Variants in LMOD3 observed in about 807,000 individuals in gnomAD.
The protein encoded by LMOD3 is leiomodin-3.
A neutral mutation model predicts 41.8 loss-of-function variants in LMOD3; 31 were observed. That is an observed-to-expected ratio of 0.74 (90% CI 0.56 to 1.00). LMOD3 has a LOEUF of 1.00. LMOD3 is among the 50% of genes least tolerant of loss of function. The pLI is 0.00. For missense variants in LMOD3, 755 were observed against 679.5 expected (o/e 1.11, Z -1.23); for synonymous variants, 292 against 241.9 (o/e 1.21, Z -1.92).
chr3:69,110,252 C>G (rs2092342155), intron 2 of LMOD3, among the ~76,000 whole-genome samples: 1 of 151,548 alleles, frequency 6.6e-6, no homozygotes, highest in South Asian at 2.1e-4. Context: ...TTTTTTTAGA[C>G]AAAGTCTTAC....
chr3:69,112,407 T>C (rs2092354129), intron 2 of LMOD3, among the ~76,000 whole-genome samples: 1 of 152,228 alleles, frequency 6.6e-6, no homozygotes, highest in Non-Finnish European at 1.5e-5. Context: ...CTCAGAATCC[T>C]GTAAGGCTCA....
At chr3:69,117,218 C>T (rs2092378742) in intron 2 of LMOD3, among the ~76,000 whole-genome samples, 1 of 152,178 alleles carries the variant, frequency 6.6e-6, no homozygotes, top group Non-Finnish European at 1.5e-5. Context: ...GAATCAGAGC[C>T]TCTCTAAATC....
chr3:69,122,540 G>C lies in LMOD3; in HGVS notation c.-154C>G. 3.3e-6 allele frequency: 2 copies of C among 613,840 alleles called. No individual in the cohort carries two copies. The highest frequency in any genetic ancestry group is 4.3e-5 in the South Asian group (2 of 47,028). The allele number at this position is 613,840 out of a possible 1,614,324, so 38.0% of individuals were successfully genotyped here. On this transcript the variant is annotated 5_prime_UTR_variant, in exon 1 of 3. Coordinates refer to ENST00000420581, the MANE Select transcript of LMOD3 (RefSeq NM_198271.5). ...TTTTTTTTTTTTCCCAGGAACCTCA[G>C]TGGTTTGCTGAGCAGCTAGGAGTGA...
chr3:69,109,056 A>C lies in LMOD3; in HGVS notation c.*39T>G. 6.4e-7 allele frequency: 1 copy of C among 1,559,680 alleles called. No homozygotes were observed. The highest frequency in any genetic ancestry group is 1.2e-5 in the South Asian group (1 of 85,556). Reference sequence around the variant, plus strand: ...TCCATGCTGTAATCCAAGAGTCACTATTTCCATTTCTTGTTCTTCTAGATG... The same window carrying C: ...TCCATGCTGTAATCCAAGAGTCACTCTTTCCATTTCTTGTTCTTCTAGATG... On this transcript the variant is annotated 3_prime_UTR_variant, in exon 3 of 3. Transcript: ENST00000420581.
At chr3:69,118,419 TAA>T (rs1261675973) in intron 2 of LMOD3, among the ~76,000 whole-genome samples, 1 of 152,154 alleles carries the variant, frequency 6.6e-6, no homozygotes, top group Admixed American at 6.5e-5. Context: ...TTACATGAGT[TAA>T]TTCATATAAC....
At chr3:69,113,849 G>T (rs1436537018) in intron 2 of LMOD3, among the ~76,000 whole-genome samples, 1 of 152,156 alleles carries the variant, frequency 6.6e-6, no homozygotes, top group African/African-American at 2.4e-5. Context: ...TTTTGAAGAT[G>T]AAAGAATATC....
chr3:69,122,415 AAAG>A lies in LMOD3; in HGVS notation c.-32_-30del, dbSNP rs774765200. The A allele has an allele frequency of 2.6e-5, 37 of 1,425,958 alleles. No individual in the cohort carries two copies. The highest frequency in any genetic ancestry group is 1.5e-4 in the East Asian group (6 of 40,214). The allele number at this position is 1,425,958 out of a possible 1,614,324, so 88.3% of individuals were successfully genotyped here. A position where few individuals can be genotyped will look rare whatever the true frequency, so the allele number is the denominator to read the frequency against. On this transcript the variant is annotated 5_prime_UTR_variant, in exon 1 of 3. Transcript: ENST00000420581. ...TTTTTCTAAATATTATTTTACTAGA[AAAG>A]AAGAATAATCAAAGATGATTTTTAA...
chr3:69,116,094 CA>C (rs931809299), intron 2 of LMOD3, among the ~76,000 whole-genome samples: 3 of 151,986 alleles, frequency 2.0e-5, no homozygotes, highest in Non-Finnish European at 4.4e-5. Flanking sequence ...CAAAACAAAA[CA>C]AAAAAATTAA....
At chr3:69,114,454 G>A (rs1016355520) in intron 2 of LMOD3, among the ~76,000 whole-genome samples, 2 of 152,130 alleles carry the variant, frequency 1.3e-5, no homozygotes, top group South Asian at 2.1e-4. Context: ...TTTTTTGCCA[G>A]CAACTTCATT....
rs1409201376 is a variant in LMOD3, at chr3:69,108,569, TC to T, written c.*525del. Reference sequence around the variant, plus strand: ...ATCTCCACTGATTCTGCAGAGAAGCTCTAAGGAACAATCCTTCCATTTCAAA... The same window carrying T: ...ATCTCCACTGATTCTGCAGAGAAGCTTAAGGAACAATCCTTCCATTTCAAA... On this transcript the variant is annotated 3_prime_UTR_variant, in exon 3 of 3. Transcript: ENST00000420581. The T allele has an allele frequency of 6.5e-6, 1 of 152,726 alleles. No individual in the cohort carries two copies. Among genetic ancestry groups the T allele is most frequent in the East Asian group, 1.9e-4 (1 of 5,184 alleles). The allele number at this position is 152,726 out of a possible 1,614,324, so 9.5% of individuals were successfully genotyped here.
chr3:69,119,552 T>C lies in LMOD3; in HGVS notation c.803A>G (p.Lys268Arg), dbSNP rs779883734. Residue 268 changes from lysine (K) to arginine (R), a missense_variant, in exon 2 of 3, where the codon AAA (lysine) becomes AGA (arginine). Lys to Arg is a conservative substitution (Grantham distance 26). Transcript: ENST00000420581. ...LNLNNIENIP[K>R]EMLLDFVNAM... ...ATTGACAAAGTCCAGTAACATTTCT[T>C]TGGGGATGTTTTCAATGTTGTTCAG... 3.1e-6 allele frequency: 5 copies of C among 1,613,904 alleles called. No individual in the cohort carries two copies. Among genetic ancestry groups the C allele is most frequent in the Non-Finnish European group, 3.4e-6 (4 of 1,179,886 alleles).
chr3:69,111,642 G>T (rs1448534106), intron 2 of LMOD3, among the ~76,000 whole-genome samples: 2 of 152,216 alleles, frequency 1.3e-5, no homozygotes, highest in African/African-American at 4.8e-5. Context: ...GTGGTGCAAT[G>T]ATAACTCAAA....
intron 2 of LMOD3, among the ~76,000 whole-genome samples, chr3:69,113,902 CTT>C (rs1424659954): frequency 6.6e-6 from 1 of 152,180 alleles, no homozygotes; most frequent in Non-Finnish European, 1.5e-5. Flanking sequence ...AGCCTAATGT[CTT>C]TGTGTTATCA....
In LMOD3 at chr3:69,106,393, G is replaced by A. The variant is rs1226632158; in HGVS notation, c.*2702C>T. ...TACCTGTAATTACTAATGGCCAGTAGTCAATTCTGGAAGGGTAATAACAGA... is the reference window on the plus strand; with the variant it reads ...TACCTGTAATTACTAATGGCCAGTAATCAATTCTGGAAGGGTAATAACAGA... On this transcript the variant is annotated 3_prime_UTR_variant, in exon 3 of 3. Transcript: ENST00000420581. 6.6e-6 allele frequency among the ~76,000 whole-genome samples: 1 copy of A among 152,124 alleles called. No individual in the cohort carries two copies. The highest frequency in any genetic ancestry group is 2.1e-4 in the South Asian group (1 of 4,828).
intron 1 of LMOD3, among the ~76,000 whole-genome samples, chr3:69,121,059 C>T (rs952698768): frequency 6.6e-6 from 1 of 152,114 alleles, no homozygotes; most frequent in African/African-American, 2.4e-5. Context: ...GCATTTCTCA[C>T]CTTGACCAGA....
intron 1 of LMOD3, 35 bp downstream of exon 1, chr3:69,122,058 A>T: frequency 6.4e-7 from 1 of 1,562,634 alleles, no homozygotes; most frequent in Non-Finnish European, 8.7e-7. Flanking sequence ...CATCCCAGGC[A>T]GCCATTTCTC....
chr3:69,116,699 T>C (rs2092375184), intron 2 of LMOD3, among the ~76,000 whole-genome samples: 1 of 152,206 alleles, frequency 6.6e-6, no homozygotes, highest in Admixed American at 6.5e-5. Context: ...CTGTAAGCTC[T>C]GTGTGCGGTC....
rs770015687 is a variant in LMOD3, at chr3:69,122,335, TCTC to T, written c.49_51del (p.Glu17del). The T allele has an allele frequency of 1.4e-5, 22 of 1,612,864 alleles. No individual in the cohort carries two copies. The highest frequency in any genetic ancestry group is 1.8e-5 in the Non-Finnish European group (21 of 1,179,214). ...TTGGCCAAGATTTCATCTTCATTAATCTCCTCATCGAGAAGTTCTTCTTGATCT... is the reference window on the plus strand; with the variant it reads ...TTGGCCAAGATTTCATCTTCATTAATCTCATCGAGAAGTTCTTCTTGATCT... On this transcript the variant is annotated inframe_deletion, in exon 1 of 3. Transcript: ENST00000420581.
At chr3:69,113,400 AG>A (rs1166190090) in intron 2 of LMOD3, among the ~76,000 whole-genome samples, 2 of 152,220 alleles carry the variant, frequency 1.3e-5, no homozygotes, top group Admixed American at 1.3e-4. Context: ...AAAGTACAAA[AG>A]GAGAGAATCT....
Sources: allele counts gnomAD v4.1 joint callset (sites outside exome capture counted in the v4.1 genomes callset), GRCh38; gene constraint gnomAD v4.1.1; transcripts MANE v1.5; gene names NCBI Gene and HGNC (gene_info 2026-07-23, HGNC 2026-07-21).